GRM7: variants seen among roughly 807,000 people sequenced by gnomAD.
The protein encoded by GRM7 is metabotropic glutamate receptor 7.
GRM7 carries 35 observed loss-of-function variants against 84.5 expected under a neutral mutation model. That is an observed-to-expected ratio of 0.41 (90% CI 0.32 to 0.55). GRM7 has a LOEUF of 0.55. Among genes scored for constraint, GRM7 ranks in the 20% least tolerant of loss-of-function variants. GRM7 has a pLI of 0.19. For missense variants in GRM7, 1,003 were observed against 1,194.6 expected (o/e 0.84, Z 2.36); for synonymous variants, 487 against 455.1 (o/e 1.07, Z -0.89).
At chr3:7,718,789 G>A (rs1483062945) in intron 9 of GRM7, among the ~76,000 whole-genome samples, 1 of 152,166 alleles carries the variant, frequency 6.6e-6, no homozygotes, top group African/African-American at 2.4e-5. Flanking sequence ...CTGGGCATAA[G>A]GTCATGCAGG....
intron 7 of GRM7, among the ~76,000 whole-genome samples, chr3:7,557,253 A>G (rs1355071771): frequency 6.6e-6 from 1 of 152,130 alleles, no homozygotes; most frequent in Non-Finnish European, 1.5e-5. Flanking sequence ...CTAGGTGCTT[A>G]GAGGATAAAA....
chr3:7,569,958 C>T (rs1472609917), intron 7 of GRM7, among the ~76,000 whole-genome samples: 1 of 152,184 alleles, frequency 6.6e-6, no homozygotes, highest in Admixed American at 6.5e-5. Flanking sequence ...CAAGAACCCA[C>T]CAATTCCGGC....
At chr3:6,896,371 A>G (rs1696182939) in intron 1 of GRM7, among the ~76,000 whole-genome samples, 1 of 152,206 alleles carries the variant, frequency 6.6e-6, no homozygotes, top group South Asian at 2.1e-4. Flanking sequence ...ATTTTTACCT[A>G]TCATTTCATA....
intron 1 of GRM7, among the ~76,000 whole-genome samples, chr3:7,006,962 T>G (rs901835308): frequency 2.0e-5 from 3 of 152,194 alleles, no homozygotes; most frequent in Non-Finnish European, 4.4e-5. Flanking sequence ...AATATCTCAA[T>G]GAGTATAAAA....
intron 2 of GRM7, among the ~76,000 whole-genome samples, chr3:7,169,861 A>C (rs1436609378): frequency 6.6e-6 from 1 of 152,262 alleles, no homozygotes; most frequent in Non-Finnish European, 1.5e-5. Flanking sequence ...TAAGAAGCTC[A>C]GGAGTCTTGT....
intron 8 of GRM7, among the ~76,000 whole-genome samples, chr3:7,649,795 C>T (rs1698841456): frequency 6.7e-6 from 1 of 149,420 alleles, no homozygotes; most frequent in South Asian, 2.1e-4. Flanking sequence ...ATTTTCCACC[C>T]AAATTTATTT....
chr3:7,052,091 C>G (rs1241021664), intron 1 of GRM7, among the ~76,000 whole-genome samples: 3 of 151,704 alleles, frequency 2.0e-5, no homozygotes, highest in Non-Finnish European at 1.5e-5. Context: ...TTTGCTTATA[C>G]TTTGTTCCAG....
At chr3:7,476,551 A>C (rs1174149114) in intron 7 of GRM7, among the ~76,000 whole-genome samples, 1 of 152,172 alleles carries the variant, frequency 6.6e-6, no homozygotes, top group African/African-American at 2.4e-5. Context: ...ACCTCAAAAA[A>C]TAAGAAAAAA....
chr3:6,866,496 C>A (rs340655), intron 1 of GRM7, among the ~76,000 whole-genome samples: 100,527 of 152,004 alleles, frequency 0.66, 33,428 homozygotes, highest in South Asian at 0.69. Flanking sequence ...TCACACAGCT[C>A]TCTTGGTCAT....
At chr3:7,615,409 T>G (rs1697035423) in intron 8 of GRM7, among the ~76,000 whole-genome samples, 1 of 152,188 alleles carries the variant, frequency 6.6e-6, no homozygotes. Flanking sequence ...TTTGGTCATT[T>G]TCTCTTGAAG....
At chr3:7,092,217 G>C (rs909895519) in intron 1 of GRM7, among the ~76,000 whole-genome samples, 2 of 152,266 alleles carry the variant, frequency 1.3e-5, no homozygotes, top group East Asian at 3.9e-4. Context: ...TGTCAGAACA[G>C]AATCTAGTTA....
intron 2 of GRM7, among the ~76,000 whole-genome samples, chr3:7,198,582 C>T (rs1695958773): frequency 6.6e-6 from 1 of 152,164 alleles, no homozygotes; most frequent in Non-Finnish European, 1.5e-5. Flanking sequence ...GGACACCATA[C>T]ATTAGCCTAG....
intron 1 of GRM7, among the ~76,000 whole-genome samples, chr3:6,997,441 T>A (rs949869163): frequency 1.3e-5 from 2 of 152,184 alleles, no homozygotes; most frequent in African/African-American, 4.8e-5. Context: ...CAACATGTCC[T>A]TCTTCACATG....
Position 7,102,720 on chromosome 3 carries a change from A to G in GRM7, c.520-43732A>G, listed in dbSNP as rs535533552. On this transcript the variant is annotated intron_variant, in intron 1 of 9. Coordinates refer to ENST00000357716, the MANE Select transcript of GRM7 (RefSeq NM_000844.4). ...TTTTAGATTGTCCCACGGGTCACTA[A>G]GGCTCTGCTCAGTCATCCTTCTCTC... 3.3e-5 allele frequency among the ~76,000 whole-genome samples: 5 copies of G among 151,868 alleles called. No homozygotes were observed. The South Asian group carries it at 1.0e-3, about 31-fold the overall frequency.
intron 1 of GRM7, among the ~76,000 whole-genome samples, chr3:7,097,885 T>G (rs1574898488): frequency 6.6e-6 from 1 of 152,252 alleles, no homozygotes; most frequent in South Asian, 2.1e-4. Flanking sequence ...TGCCATACCT[T>G]TGACTTGCAG....
At chr3:7,472,831 C>T (rs555319380) in intron 7 of GRM7, among the ~76,000 whole-genome samples, 3 of 152,300 alleles carry the variant, frequency 2.0e-5, no homozygotes, top group East Asian at 1.9e-4. Context: ...GTTTTTCAAT[C>T]CCCCTACCCC....
At chr3:7,669,289 A>T (rs1699828671) in intron 8 of GRM7, among the ~76,000 whole-genome samples, 2 of 152,222 alleles carry the variant, frequency 1.3e-5, no homozygotes, top group African/African-American at 4.8e-5. Context: ...AGGCTTCCCC[A>T]AGGAAGTAAG....
intron 1 of GRM7, among the ~76,000 whole-genome samples, chr3:7,059,843 A>G (rs1697370108): frequency 6.6e-6 from 1 of 151,836 alleles, no homozygotes; most frequent in African/African-American, 2.4e-5. Context: ...GGTCTTCTCC[A>G]GACACAGAAT....
intron 2 of GRM7, among the ~76,000 whole-genome samples, chr3:7,153,760 C>T (rs1339871516): frequency 6.6e-6 from 1 of 151,840 alleles, no homozygotes. Flanking sequence ...TTCTTTATAG[C>T]AGGTACTATT....
Sources: gnomAD v4.1 joint callset for allele counts (sites outside exome capture counted in the v4.1 genomes callset) on GRCh38, gnomAD v4.1.1 for gene constraint, MANE v1.5 for transcripts, NCBI Gene and HGNC (gene_info 2026-07-23, HGNC 2026-07-21) for gene names.